CIMAP2: variants seen among roughly 807,000 people sequenced by gnomAD.
CIMAP2 encodes ciliary microtubule-associated protein 2.
At chr1:54,807,850 A>T in the CIMAP2 span, 1 of 1,535,482 alleles carries the variant, frequency 6.5e-7, no homozygotes, top group African/African-American at 1.4e-5. Flanking sequence ...GGATTTTCCC[A>T]AGTTTAAGGC....
At chr1:54,808,781 CAGTA>C in the CIMAP2 span, among the ~76,000 whole-genome samples, 3 of 151,872 alleles carry the variant, frequency 2.0e-5, no homozygotes, top group Non-Finnish European at 4.4e-5. Flanking sequence ...GGCTGACACT[CAGTA>C]AGGGCACGAG....
chr1:54,826,730 T>C, the CIMAP2 span, among the ~76,000 whole-genome samples: 1 of 152,216 alleles, frequency 6.6e-6, no homozygotes, highest in African/African-American at 2.4e-5. Flanking sequence ...GCTCACCCTT[T>C]CTCCACACTG....
chr1:54,808,533 G>A, the CIMAP2 span, among the ~76,000 whole-genome samples: 20 of 151,750 alleles, frequency 1.3e-4, no homozygotes, highest in Admixed American at 1.2e-3. Context: ...GGAGGCGAGC[G>A]AGAGGGCAGA....
At chr1:54,816,925 G>A in the CIMAP2 span, 1 of 1,590,882 alleles carries the variant, frequency 6.3e-7, no homozygotes. Context: ...GGGGAGGAGA[G>A]GAAGCCGAGA....
the CIMAP2 span, among the ~76,000 whole-genome samples, chr1:54,837,320 C>T: frequency 1.3e-5 from 2 of 152,078 alleles, no homozygotes; most frequent in Non-Finnish European, 2.9e-5. Context: ...CTGACATGGC[C>T]CGTTTGAGGC....
At chr1:54,829,559 C>G in the CIMAP2 span, among the ~76,000 whole-genome samples, 40 of 152,218 alleles carry the variant, frequency 2.6e-4, no homozygotes, top group Non-Finnish European at 4.9e-4. Flanking sequence ...CTGACTGATT[C>G]ATTTGAAAAA....
the CIMAP2 span, chr1:54,807,649 C>T: frequency 1.2e-6 from 2 of 1,610,342 alleles, no homozygotes; most frequent in South Asian, 2.2e-5. Flanking sequence ...CCAGCTACCC[C>T]ACTTCCAGTA....
At chr1:54,842,204 T>G in the CIMAP2 span, 3 of 391,456 alleles carry the variant, frequency 7.7e-6, no homozygotes, top group African/African-American at 6.0e-5. Context: ...CCCTTTCTAT[T>G]CTAAAGCCAG....
At chr1:54,819,749 C>G in the CIMAP2 span, among the ~76,000 whole-genome samples, 1 of 151,426 alleles carries the variant, frequency 6.6e-6, no homozygotes. Flanking sequence ...GCAAGTGTCT[C>G]CTCAGCTTTC....
the CIMAP2 span, chr1:54,807,428 C>T: frequency 2.0e-5 from 28 of 1,385,272 alleles, no homozygotes; most frequent in East Asian, 6.1e-4. Flanking sequence ...ATTGCCTACT[C>T]CCTTCCTCCG....
chr1:54,833,731 G>A, the CIMAP2 span, among the ~76,000 whole-genome samples: 27 of 152,044 alleles, frequency 1.8e-4, no homozygotes, highest in African/African-American at 5.1e-4. Flanking sequence ...TTTTTACTCC[G>A]TCTGGTCTAC....
chr1:54,806,905 C>T, the CIMAP2 span: 8,229 of 1,189,074 alleles, frequency 6.9e-3, 403 homozygotes, highest in African/African-American at 0.11. Context: ...GTCACCTTCC[C>T]GGGCAGCCAA....
At chr1:54,815,090 A>G in the CIMAP2 span, 2 of 1,604,386 alleles carry the variant, frequency 1.2e-6, no homozygotes, top group Non-Finnish European at 1.7e-6. Flanking sequence ...CTGCCTCTAC[A>G]GCCAACACCA....
At chr1:54,813,387 G>A in the CIMAP2 span, among the ~76,000 whole-genome samples, 1 of 152,212 alleles carries the variant, frequency 6.6e-6, no homozygotes, top group African/African-American at 2.4e-5. Context: ...TGCGTGACAT[G>A]CAGCCACCAT....
chr1:54,811,885 G>C, the CIMAP2 span: 5 of 1,613,422 alleles, frequency 3.1e-6, no homozygotes, highest in Non-Finnish European at 4.2e-6. Context: ...CATTCCGAGG[G>C]CCTCATGTGC....
At chr1:54,836,258 C>T in the CIMAP2 span, among the ~76,000 whole-genome samples, 3 of 150,168 alleles carry the variant, frequency 2.0e-5, no homozygotes, top group Non-Finnish European at 4.4e-5. Flanking sequence ...CCTCCCCCTT[C>T]GCCCTCCCGC....
chr1:54,811,949 C>G, the CIMAP2 span: 1 of 1,614,074 alleles, frequency 6.2e-7, no homozygotes, highest in Non-Finnish European at 8.5e-7. Context: ...CTCGGCTGGC[C>G]AGGCCTTGCC....
the CIMAP2 span, chr1:54,816,934 G>C: frequency 4.4e-6 from 7 of 1,606,182 alleles, no homozygotes; most frequent in Non-Finnish European, 6.0e-6. Flanking sequence ...AGGAAGCCGA[G>C]ACACAGTCTC....
the CIMAP2 span, chr1:54,807,721 T>C: frequency 6.5e-7 from 1 of 1,549,290 alleles, no homozygotes; most frequent in East Asian, 2.3e-5. Flanking sequence ...CCTCTCCCTC[T>C]CTGGTGCCAG....
Sources: allele counts gnomAD v4.1 joint callset (sites outside exome capture counted in the v4.1 genomes callset), GRCh38; gene constraint gnomAD v4.1.1; transcripts MANE v1.5; gene names NCBI Gene and HGNC (gene_info 2026-07-23, HGNC 2026-07-21).